The following MBNL2 variants were observed in gnomAD, a reference collection of about 807,000 sequenced individuals.
MBNL2 encodes the protein muscleblind like splicing regulator 2, also known as muscleblind-like protein 2.
In MBNL2, 17 loss-of-function variants were observed where a neutral mutation model predicts 41.9. The observed-to-expected ratio is 0.41, with a 90% CI of 0.28 to 0.61. The LOEUF is 0.61. Ranked by LOEUF, MBNL2 falls within the 20% of genes least tolerant of loss-of-function variation. MBNL2 has a pLI of 0.35. For synonymous variants in MBNL2, 195 were observed against 182.9 expected (o/e 1.07, Z -0.53); for missense variants, 336 against 505.6 (o/e 0.66, Z 3.22).
chr13:97,202,398 G>A, the MBNL2 span, among the ~76,000 whole-genome samples: 4 of 152,156 alleles, frequency 2.6e-5, no homozygotes, highest in Non-Finnish European at 5.9e-5. Context: ...TTTCGGATCT[G>A]CCAATTACCG....
At chr13:97,264,625 T>TGTTGG (rs2049359230) in intron 1 of MBNL2, among the ~76,000 whole-genome samples, 1 of 152,266 alleles carries the variant, frequency 6.6e-6, no homozygotes, top group Non-Finnish European at 1.5e-5. Context: ...AAAGTGTGTC[T>TGTTGG]GTTGGTTACA....
In MBNL2 at chr13:97,343,031, G is replaced by A; in HGVS notation, c.355G>A (p.Gly119Ser). Residue 119 changes from glycine to serine, a missense_variant, in exon 4 of 9, where the codon GGT (glycine) becomes AGT (serine). Transcript: ENST00000679496. The stretch of plus-strand genomic sequence containing the variant: ...CCTTTAACAGCCCACTTTCCCTGTA[G>A]GTCCCGCGATAGGGACAAATACGGC... Reference protein sequence around the residue: ...PLHPVPTFPVGPAIGTNTAIS... With the variant: ...PLHPVPTFPVSPAIGTNTAIS... The A allele has an allele frequency of 1.2e-6, 2 of 1,611,476 alleles. No individual in the cohort carries two copies. The highest frequency in any genetic ancestry group is 1.7e-6 in the Non-Finnish European group (2 of 1,177,656).
chr13:97,359,916 C>T (rs547052365), intron 7 of MBNL2, among the ~76,000 whole-genome samples: 3 of 152,170 alleles, frequency 2.0e-5, no homozygotes, highest in African/African-American at 4.8e-5. Context: ...ATCTTTCTCC[C>T]GCTTAAACCC....
chr13:97,152,533 A>T, the MBNL2 span, among the ~76,000 whole-genome samples: 3 of 152,226 alleles, frequency 2.0e-5, no homozygotes, highest in Non-Finnish European at 4.4e-5. Context: ...AAAAAATTGT[A>T]TAAAGCTTTC....
chr13:97,223,686 T>C (rs2152762504), intron 1 of MBNL2, among the ~76,000 whole-genome samples: 1 of 152,334 alleles, frequency 6.6e-6, no homozygotes, highest in East Asian at 1.9e-4. Flanking sequence ...ATAAGGTTTT[T>C]AAAAAAGGCA....
chr13:97,261,377 A>G (rs1462042331), intron 1 of MBNL2, among the ~76,000 whole-genome samples: 4 of 152,158 alleles, frequency 2.6e-5, no homozygotes. Context: ...CACCCAGGAG[A>G]GAACAGCCCT....
the MBNL2 span, among the ~76,000 whole-genome samples, chr13:97,194,001 A>G: frequency 6.6e-6 from 1 of 152,204 alleles, no homozygotes; most frequent in African/African-American, 2.4e-5. Flanking sequence ...TACTTGGAAC[A>G]TCCTTCCACA....
At chr13:97,142,027 TA>T in the MBNL2 span, among the ~76,000 whole-genome samples, 1 of 152,192 alleles carries the variant, frequency 6.6e-6, no homozygotes, top group Non-Finnish European at 1.5e-5. Context: ...GAGAGAAGGT[TA>T]ATTTGCAAAA....
chr13:97,312,957 T>C (rs1566410106), intron 2 of MBNL2, among the ~76,000 whole-genome samples: 1 of 152,258 alleles, frequency 6.6e-6, no homozygotes, highest in African/African-American at 2.4e-5. Context: ...TTATTCAGTC[T>C]ACAAGCAGTA....
rs976847172 is a variant in MBNL2, at chr13:97,346,155, T to A, written c.541-649T>A. The stretch of plus-strand genomic sequence containing the variant: ...GATGGACGGATAGATAGATGGTAGG[T>A]AGGTAGATAGATGATAGATAATATT... On this transcript the variant is annotated intron_variant, in intron 4 of 8. Transcript: ENST00000679496. This position sits in a 1 kb window ranked among gnomAD's most constrained non-coding sequence, Gnocchi z 4.2. Among the ~76,000 whole-genome samples the A allele has an allele frequency of 7.9e-5, 12 of 151,982 alleles. No individual in the cohort carries two copies. Among genetic ancestry groups the A allele is most frequent in the Non-Finnish European group, 1.8e-4 (12 of 68,000 alleles).
chr13:97,287,944 T>TTTTG (rs2054976250), intron 2 of MBNL2, among the ~76,000 whole-genome samples: 1 of 144,038 alleles, frequency 6.9e-6, no homozygotes, highest in African/African-American at 2.6e-5. Context: ...GTTTTGTTTT[T>TTTTG]TTTTTTTTTA....
At chr13:97,272,508 A>G (rs2051259758) in intron 1 of MBNL2, among the ~76,000 whole-genome samples, 1 of 152,044 alleles carries the variant, frequency 6.6e-6, no homozygotes, top group South Asian at 2.1e-4. Flanking sequence ...TTGGTCATGA[A>G]GTCTTTCTGC....
the MBNL2 span, among the ~76,000 whole-genome samples, chr13:97,153,609 ATT>A: frequency 6.6e-6 from 1 of 152,206 alleles, no homozygotes; most frequent in African/African-American, 2.4e-5. Context: ...TAAAAAGACC[ATT>A]TAGGAAAAAA....
chr13:97,215,792 C>G, the MBNL2 span, among the ~76,000 whole-genome samples: 4 of 151,962 alleles, frequency 2.6e-5, no homozygotes, highest in African/African-American at 9.7e-5. Flanking sequence ...TATGGAATAC[C>G]AAGAGTGTCA....
intron 1 of MBNL2, among the ~76,000 whole-genome samples, chr13:97,239,288 T>C (rs939842734): frequency 2.6e-5 from 4 of 152,252 alleles, no homozygotes; most frequent in African/African-American, 9.6e-5. Context: ...AGATACCTCA[T>C]ATGGAATATT....
At chr13:97,220,271 T>C (rs150778706), upstream of MBNL2, among the ~76,000 whole-genome samples, 536 of 152,310 alleles carry the variant, frequency 3.5e-3, 4 homozygotes, top group African/African-American at 0.012. Flanking sequence ...ATTTCTGAGA[T>C]GGAAAAATCA....
At chr13:97,196,384 T>G in the MBNL2 span, among the ~76,000 whole-genome samples, 3 of 152,172 alleles carry the variant, frequency 2.0e-5, no homozygotes, top group African/African-American at 7.2e-5. Flanking sequence ...TAGCACTCCT[T>G]TGTCATTCAA....
At chr13:97,152,080 T>C in the MBNL2 span, among the ~76,000 whole-genome samples, 2,106 of 152,068 alleles carry the variant, frequency 0.014, 50 homozygotes, top group African/African-American at 0.047. Flanking sequence ...AAAAAGACAA[T>C]GCAGTGAGAA....
chr13:97,252,210 G>T (rs576184016), intron 1 of MBNL2, among the ~76,000 whole-genome samples: 2 of 152,204 alleles, frequency 1.3e-5, no homozygotes, highest in African/African-American at 2.4e-5. Flanking sequence ...AAATTTCATT[G>T]ATTTTTCTGT....
Sources: allele counts gnomAD v4.1 joint callset (sites outside exome capture counted in the v4.1 genomes callset), GRCh38; gene constraint gnomAD v4.1.1; non-coding constraint Gnocchi (gnomAD v3.1); transcripts MANE v1.5; gene names NCBI Gene and HGNC (gene_info 2026-07-23, HGNC 2026-07-21).